TIMM17A: variants seen among roughly 807,000 people sequenced by gnomAD.
TIMM17A encodes translocase of inner mitochondrial membrane 17A, also known as mitochondrial import inner membrane translocase subunit Tim17-A.
TIMM17A carries 15 observed loss-of-function variants against 26.5 expected under a neutral mutation model. That is an observed-to-expected ratio of 0.57 (90% CI 0.38 to 0.87). The LOEUF is 0.87. Among genes scored for constraint, TIMM17A ranks in the 40% least tolerant of loss-of-function variants. The probability of loss-of-function intolerance (pLI) is 0.00; values close to 1 mark genes in which losing one functional copy is unlikely to be tolerated. For missense variants in TIMM17A, 201 were observed against 210.0 expected (o/e 0.96, Z 0.27); for synonymous variants, 80 against 70.8 (o/e 1.13, Z -0.66).
intron 5 of TIMM17A, among the ~76,000 whole-genome samples, chr1:201,966,357 G>A (rs1682625883): frequency 6.6e-6 from 1 of 151,906 alleles, no homozygotes; most frequent in Non-Finnish European, 1.5e-5. Flanking sequence ...GCGAGACTCT[G>A]TCTCAAAATG....
At chr1:201,958,317 G>A (rs1237999496) in intron 3 of TIMM17A, among the ~76,000 whole-genome samples, 1 of 152,226 alleles carries the variant, frequency 6.6e-6, no homozygotes, top group Non-Finnish European at 1.5e-5. Context: ...AATTTGAAAA[G>A]ATTCTATTCA....
At position 201,963,626 on chromosome 1, in the gene TIMM17A, A is replaced by C; in HGVS notation, c.201A>C (p.Ala67=). The C allele has an allele frequency of 6.2e-7, 1 of 1,600,746 alleles. No homozygotes were observed. Among genetic ancestry groups the C allele is most frequent in the Non-Finnish European group, 8.5e-7 (1 of 1,176,846 alleles). Reference sequence around the variant, plus strand: ...TTTACAATAAAATAGGTAGCTTTGCAGTTTGGGGAGGGCTGTTTTCCATGA... The same window carrying C: ...TTTACAATAAAATAGGTAGCTTTGCCGTTTGGGGAGGGCTGTTTTCCATGA... The part of the protein sequence containing the change: ...TRAPQLGGSF[A]VWGGLFSMID... The change falls in exon 4 of 6, where the codon GCA becomes GCC. Residue 67 remains alanine, a synonymous_variant. Transcript: ENST00000367287.
chr1:201,963,930 G>T (rs946769992), intron 4 of TIMM17A, among the ~76,000 whole-genome samples, 186 bp downstream of exon 4: 28 of 151,774 alleles, frequency 1.8e-4, no homozygotes, highest in African/African-American at 6.0e-4. Context: ...CTTGAGATCA[G>T]ATATAGGGAG....
At chr1:201,955,611 C>T (rs1430333079) in intron 1 of TIMM17A, 59 bp downstream of exon 1, 2 of 1,611,776 alleles carry the variant, frequency 1.2e-6, no homozygotes, top group African/African-American at 2.7e-5. Flanking sequence ...CCCTCCTTCT[C>T]CCTTGTCCAG....
Position 201,969,624 on chromosome 1 carries a change from C to T in TIMM17A, c.*70C>T. On this transcript the variant is annotated 3_prime_UTR_variant, in exon 6 of 6. Transcript: ENST00000367287. ...AGAAGGATTTCAGAAGATCAAGTTA[C>T]AGTCTGTTTTTAAAACCATAGGTGG... is the stretch of plus-strand genomic sequence containing the variant. 2.2e-6 allele frequency: 3 copies of T among 1,371,346 alleles called. No homozygotes were observed. The highest frequency in any genetic ancestry group is 3.1e-6 in the Non-Finnish European group (3 of 963,958). The allele number at this position is 1,371,346 out of a possible 1,614,324, so 84.9% of individuals were successfully genotyped here. A position where few individuals can be genotyped will look rare whatever the true frequency, so the allele number is the denominator to read the frequency against.
intron 2 of TIMM17A, 41 bp downstream of exon 2, chr1:201,957,421 T>C (rs762352034): frequency 5.0e-6 from 8 of 1,594,584 alleles, no homozygotes; most frequent in Non-Finnish European, 6.0e-6. Flanking sequence ...CACTTGCAAC[T>C]TGGGTTTGAT....
rs1425529085 is a variant in TIMM17A at position 201,957,495 on chromosome 1, C to A, written c.127-16C>A. 8 of 1,607,640 alleles carry A rather than the reference C, an allele frequency of 5.0e-6. No homozygotes were observed. The highest frequency in any genetic ancestry group is 6.8e-6 in the Non-Finnish European group (8 of 1,176,964). On this transcript the variant is annotated splice_polypyrimidine_tract_variant and intron_variant, in intron 2 of 5. Coordinates refer to ENST00000367287, the MANE Select transcript of TIMM17A (RefSeq NM_006335.3). ...CTTCTAATATATTTTTTGTTGCTTC[C>A]TTTTTTTTGTTATAGGGAGTAAACC...
Position 201,957,313 on chromosome 1 carries a change from C to T in TIMM17A, c.59C>T (p.Ala20Val). ...CGAATTGTGGATGACTGTGGTGGGG[C>T]CTTTACGATGGGTACCATTGGTGGT... ...PWRIVDDCGG[A>V]FTMGTIGGGI... The change falls in exon 2 of 6, where the codon GCC becomes GTC. Residue 20 changes from alanine (A) to valine (V), a missense_variant. Coordinates refer to ENST00000367287, the MANE Select transcript of TIMM17A (RefSeq NM_006335.3). The T allele has an allele frequency of 6.2e-7, 1 of 1,613,674 alleles. No homozygotes were observed. Among genetic ancestry groups the T allele is most frequent in the Non-Finnish European group, 8.5e-7 (1 of 1,179,718 alleles).
chr1:201,956,846 C>T (rs1682420765), intron 1 of TIMM17A, among the ~76,000 whole-genome samples: 1 of 150,882 alleles, frequency 6.6e-6, no homozygotes, highest in African/African-American at 2.4e-5. Context: ...GTCCCAGCTA[C>T]TTGGGAGGCT....
chr1:201,963,872 T>C, intron 4 of TIMM17A, 128 bp downstream of exon 4: 1 of 1,079,996 alleles, frequency 9.3e-7, no homozygotes, highest in Non-Finnish European at 1.3e-6. Flanking sequence ...ATGACTATAA[T>C]TCCATCACTT....
At position 201,966,919 on chromosome 1, in the gene TIMM17A, T is replaced by C. The variant is rs188658208; in HGVS notation, c.430+1376T>C. On this transcript the variant is annotated intron_variant, in intron 5 of 5. Transcript: ENST00000367287. ...TATATATTATATATGTTATATAATA[T>C]GTATGTTATATGTTGTATATATGTT... 1.3e-3 allele frequency among the ~76,000 whole-genome samples: 189 copies of C among 147,816 alleles called. 1 individual carries two copies. The highest frequency in any genetic ancestry group is 4.5e-3 in the African/African-American group (182 of 40,628).
chr1:201,965,473 C>T lies in TIMM17A; in HGVS notation c.360C>T (p.Gly120=). The change falls in exon 5 of 6, where the codon GGC becomes GGT. Residue 120 remains glycine (G), a synonymous_variant. Transcript: ENST00000367287. ...TGGTTGGGTCAGCCGCAATGGGTGG[C>T]ATTCTCCTAGCTTTAATTGAAGGAG... The part of the protein sequence containing the change: ...VAMVGSAAMG[G]ILLALIEGAG... 1 of 1,614,146 alleles carries T rather than the reference C, an allele frequency of 6.2e-7. No individual in the cohort carries two copies. Among genetic ancestry groups the T allele is most frequent in the Non-Finnish European group, 8.5e-7 (1 of 1,179,968 alleles).
chr1:201,957,099 G>A (rs1682426448), intron 1 of TIMM17A, among the ~76,000 whole-genome samples, 182 bp from the exon 2 acceptor site: 1 of 152,112 alleles, frequency 6.6e-6, no homozygotes, highest in African/African-American at 2.4e-5. Context: ...AAACTGCTTT[G>A]ATTTTTTGAC....
chr1:201,966,991 T>TGTGTGTG lies in TIMM17A; in HGVS notation c.430+1448_430+1449insGTGTGTG, dbSNP rs1491350132. Among the ~76,000 whole-genome samples, 1,292 of 133,080 alleles carry TGTGTGTG rather than the reference T, an allele frequency of 9.7e-3. 31 individuals carry two copies. The highest frequency in any genetic ancestry group is 0.034 in the African/African-American group (1,221 of 35,830). 87.3% of individuals were successfully genotyped at this position (133,080 alleles called of 152,430 possible). A position where few individuals can be genotyped will look rare whatever the true frequency, so the allele number is the denominator to read the frequency against. On this transcript the variant is annotated intron_variant, in intron 5 of 5. Coordinates refer to ENST00000367287, the MANE Select transcript of TIMM17A (RefSeq NM_006335.3). ...TTATATATGTTGTATATTATATATG[T>TGTGTGTG]TGTGTGTGTGTGTGTGTGTGTGTGT...
chr1:201,959,845 A>G (rs1293921094), intron 3 of TIMM17A, among the ~76,000 whole-genome samples: 1 of 151,202 alleles, frequency 6.6e-6, no homozygotes, highest in Non-Finnish European at 1.5e-5. Context: ...AACAACAACA[A>G]AAAAAATTAG....
intron 1 of TIMM17A, among the ~76,000 whole-genome samples, chr1:201,955,886 CT>C (rs1314593555): frequency 4.6e-5 from 7 of 152,322 alleles, no homozygotes; most frequent in Admixed American, 2.6e-4. Flanking sequence ...ATAATCCCCC[CT>C]GTTCGTCGAG....
chr1:201,967,015 G>GTGTGTGTGTGTGTATA (rs59893489), intron 5 of TIMM17A, among the ~76,000 whole-genome samples: 11 of 118,834 alleles, frequency 9.3e-5, no homozygotes, highest in South Asian at 5.2e-4. Context: ...GTGTGTGTGT[G>GTGTGTGTGTGTGTATA]TATATATATA....
At chr1:201,963,217 A>G (rs549212519) in intron 3 of TIMM17A, 49 of 170,690 alleles carry the variant, frequency 2.9e-4, no homozygotes, top group Non-Finnish European at 4.8e-4. Context: ...CTGGGATTAC[A>G]GGTGCTCGCC....
intron 5 of TIMM17A, among the ~76,000 whole-genome samples, chr1:201,966,991 T>TTTTGTGTG (rs572223784): frequency 2.3e-5 from 3 of 133,100 alleles, no homozygotes; most frequent in Non-Finnish European, 4.7e-5. Context: ...ATTATATATG[T>TTTTGTGTG]TGTGTGTGTG....
Sources: gnomAD v4.1 joint callset for allele counts (sites outside exome capture counted in the v4.1 genomes callset) on GRCh38, gnomAD v4.1.1 for gene constraint, MANE v1.5 for transcripts, NCBI Gene and HGNC (gene_info 2026-07-23, HGNC 2026-07-21) for gene names.